Variants in CFAP300 observed in about 807,000 individuals in gnomAD.
CFAP300 encodes the protein cilia- and flagella-associated protein 300.
Under a neutral mutation model 33.0 loss-of-function variants are expected in CFAP300, and 32 were observed. That is an observed-to-expected ratio of 0.97 (90% confidence interval 0.73 to 1.30). The LOEUF is 1.30. Ranked by LOEUF, CFAP300 falls within the 50% of genes most tolerant of loss-of-function variation. The probability of loss-of-function intolerance (pLI) is 0.00; values close to 1 mark genes in which losing one functional copy is unlikely to be tolerated. For synonymous variants in CFAP300, 102 were observed against 106.8 expected, an observed-to-expected ratio of 0.95 and a Z score of 0.28; for missense variants, 356 against 318.1, an observed-to-expected ratio of 1.12 and a Z score of -0.90.
intron 4 of CFAP300, among the ~76,000 whole-genome samples, chr11:102,071,719 T>A (rs1406943919): frequency 2.0e-5 from 3 of 152,172 alleles, no homozygotes; most frequent in African/African-American, 7.2e-5. Context: ...ATAATTTTGC[T>A]GGGTATAGTA....
chr11:102,078,919 A>C (rs925653084), intron 5 of CFAP300, among the ~76,000 whole-genome samples: 1 of 152,146 alleles, frequency 6.6e-6, no homozygotes, highest in Non-Finnish European at 1.5e-5. Context: ...CATGTTGGCC[A>C]GGCTGGTCTA....
chr11:102,047,598 A>G lies in CFAP300; in HGVS notation c.110+18A>G. 6.5e-7 allele frequency: 1 copy of G among 1,532,038 alleles called. No homozygotes were observed. Among genetic ancestry groups the G allele is most frequent in the Non-Finnish European group, 8.7e-7 (1 of 1,143,152 alleles). The allele number at this position is 1,532,038 out of a possible 1,614,324, so 94.9% of individuals were successfully genotyped here. On this transcript the variant is annotated intron_variant, in intron 1 of 6. Transcript: ENST00000434758. ...CGCCAGTGGTGAGGAACCGAGGCAC[A>G]GGGAGAGAAGAGGCCCTTGGTCTTC...
chr11:102,078,254 G>C lies in CFAP300; in HGVS notation c.608+2209G>C, dbSNP rs149989690. Among the ~76,000 whole-genome samples the C allele has an allele frequency of 1.2e-3, 176 of 152,288 alleles. 1 individual carries two copies. The highest frequency in any genetic ancestry group is 4.1e-3 in the African/African-American group (170 of 41,564). ...AATAGTCTGGACACCCCAGAGTTTA[G>C]AGTCAATATGGGACTGATCCTCAGA... is the stretch of plus-strand genomic sequence containing the variant. On this transcript the variant is annotated intron_variant, in intron 5 of 6. Coordinates refer to ENST00000434758, the MANE Select transcript of CFAP300 (RefSeq NM_032930.3).
At chr11:102,062,409 A>G (rs563630541) in intron 3 of CFAP300, among the ~76,000 whole-genome samples, 34 of 152,328 alleles carry the variant, frequency 2.2e-4, no homozygotes, top group African/African-American at 8.2e-4. Context: ...CTTGAGGTGC[A>G]TGTATACGGA....
At chr11:102,077,279 T>C (rs936366895) in intron 5 of CFAP300, among the ~76,000 whole-genome samples, 7 of 152,228 alleles carry the variant, frequency 4.6e-5, no homozygotes, top group Admixed American at 1.3e-4. Flanking sequence ...CTGCTATTTT[T>C]CCCAACATTC....
intron 3 of CFAP300, 65 bp downstream of exon 3, chr11:102,059,020 T>C: frequency 1.1e-6 from 1 of 928,504 alleles, no homozygotes; most frequent in African/African-American, 1.7e-5. Context: ...GCCTCAGGAA[T>C]TTTCATTATT....
intron 3 of CFAP300, among the ~76,000 whole-genome samples, chr11:102,064,490 A>G (rs888132084): frequency 6.6e-6 from 1 of 152,208 alleles, no homozygotes; most frequent in Non-Finnish European, 1.5e-5. Flanking sequence ...TGAGGCATAC[A>G]CAGTTCCTGG....
chr11:102,059,431 T>C (rs1207751968), intron 3 of CFAP300, among the ~76,000 whole-genome samples: 1 of 151,830 alleles, frequency 6.6e-6, no homozygotes, highest in Non-Finnish European at 1.5e-5. Flanking sequence ...GGCGGATCAC[T>C]TGAGTACAGG....
At chr11:102,056,842 C>G (rs1225758237) in intron 2 of CFAP300, among the ~76,000 whole-genome samples, 1 of 151,830 alleles carries the variant, frequency 6.6e-6, no homozygotes, top group Non-Finnish European at 1.5e-5. Flanking sequence ...CCAGGCTGAT[C>G]TTGAACTCCT....
intron 2 of CFAP300, among the ~76,000 whole-genome samples, chr11:102,054,029 G>C (rs1285382492): frequency 6.6e-6 from 1 of 152,172 alleles, no homozygotes; most frequent in African/African-American, 2.4e-5. Flanking sequence ...TAGACTTTCA[G>C]GAATCTTTGT....
intron 3 of CFAP300, among the ~76,000 whole-genome samples, chr11:102,060,586 A>T (rs1446918700): frequency 2.0e-5 from 3 of 152,158 alleles, no homozygotes. Context: ...TTTGGGGAAA[A>T]AAAAATGAAA....
At chr11:102,082,123 C>G (rs1036598684) in intron 6 of CFAP300, among the ~76,000 whole-genome samples, 9 of 152,030 alleles carry the variant, frequency 5.9e-5, no homozygotes, top group African/African-American at 2.2e-4. Context: ...GTGGCTCATG[C>G]CTGTAATCCC....
At chr11:102,051,574 G>C (rs1053287120) in intron 2 of CFAP300, among the ~76,000 whole-genome samples, 8 of 152,146 alleles carry the variant, frequency 5.3e-5, no homozygotes, top group Admixed American at 1.3e-4. Flanking sequence ...CTGCCAGATA[G>C]ATAATATAGT....
intron 3 of CFAP300, among the ~76,000 whole-genome samples, chr11:102,064,804 T>G (rs1329065064): frequency 1.3e-5 from 2 of 152,250 alleles, no homozygotes; most frequent in East Asian, 3.9e-4. Flanking sequence ...GATTCAGTGA[T>G]CGATGGAGGT....
At chr11:102,052,817 C>T (rs559029503) in intron 2 of CFAP300, among the ~76,000 whole-genome samples, 5 of 152,324 alleles carry the variant, frequency 3.3e-5, no homozygotes, top group African/African-American at 9.6e-5. Flanking sequence ...ATGATTACAA[C>T]AGTAGCCTTC....
intron 2 of CFAP300, among the ~76,000 whole-genome samples, chr11:102,056,340 T>C (rs979286270): frequency 6.6e-6 from 1 of 152,224 alleles, no homozygotes; most frequent in African/African-American, 2.4e-5. Flanking sequence ...TAGAGTTTGT[T>C]GGATGAGATA....
chr11:102,068,570 T>A (rs1288453948), intron 4 of CFAP300, among the ~76,000 whole-genome samples: 1 of 152,180 alleles, frequency 6.6e-6, no homozygotes, highest in African/African-American at 2.4e-5. Flanking sequence ...GCAGATCACC[T>A]GAGGTCAGGA....
At chr11:102,078,396 GT>G (rs1942429592) in intron 5 of CFAP300, among the ~76,000 whole-genome samples, 1 of 152,086 alleles carries the variant, frequency 6.6e-6, no homozygotes, top group South Asian at 2.1e-4. Context: ...AAAAACCATG[GT>G]TATCAGAGGA....
At chr11:102,055,374 T>TTTTTTTTTTTA (rs1942037398) in intron 2 of CFAP300, among the ~76,000 whole-genome samples, 1 of 147,752 alleles carries the variant, frequency 6.8e-6, no homozygotes, top group Non-Finnish European at 1.5e-5. Flanking sequence ...TTTTTTTTTT[T>TTTTTTTTTTTA]GAGATAGGGT....
Sources: gnomAD v4.1 joint callset for allele counts (sites outside exome capture counted in the v4.1 genomes callset) on GRCh38, gnomAD v4.1.1 for gene constraint, MANE v1.5 for transcripts, NCBI Gene and HGNC (gene_info 2026-07-23, HGNC 2026-07-21) for gene names.